UBA2: variants seen among roughly 807,000 people sequenced by gnomAD.
UBA2 encodes the protein ubiquitin like modifier activating enzyme 2, also known as SUMO-activating enzyme subunit 2.
UBA2 carries 11 observed loss-of-function variants against 77.2 expected under a neutral mutation model. The observed-to-expected ratio is 0.14, with a 90% CI of 0.09 to 0.24. The LOEUF (loss-of-function observed/expected upper bound fraction) is 0.24, where lower values mean the gene tolerates loss of function less well. UBA2 is among the 10% of genes least tolerant of loss of function. The probability of loss-of-function intolerance (pLI) is 1.00; values close to 1 mark genes in which losing one functional copy is unlikely to be tolerated. For synonymous variants in UBA2, 278 were observed against 276.7 expected (o/e 1.00, Z -0.05); for missense variants, 487 against 781.7 (o/e 0.62, Z 4.50).
rs113242502 is a variant in UBA2 at position 34,451,996 on chromosome 19, C to T, written c.887C>T (p.Ala296Val). Residue 296 changes from alanine (A) to valine (V), a missense_variant, in exon 10 of 17, where the codon GCA becomes GTA. Around this residue, in one of 9 missense-constraint regions of UBA2, gnomAD observed 300 missense variants for 454.3 expected, o/e 0.66. Transcript: ENST00000246548. ...TTTTCTTTAGGAGAAGAAACGAATG[C>T]ATCAGATCAACAGAATGAACCCCAG... ...EVQSQGEETN[A>V]SDQQNEPQLG... is the part of the protein sequence containing the mutation. 83 of 1,568,260 alleles carry T rather than the reference C, an allele frequency of 5.3e-5. No homozygotes were observed. Among genetic ancestry groups the T allele is most frequent in the South Asian group, 2.1e-4 (17 of 82,262 alleles).
chr19:34,461,240 C>T (rs1487923309), intron 14 of UBA2, among the ~76,000 whole-genome samples: 2 of 152,130 alleles, frequency 1.3e-5, no homozygotes, highest in Non-Finnish European at 2.9e-5. Context: ...TTTCTAGGCC[C>T]TGTGTTTCCC....
intron 9 of UBA2, among the ~76,000 whole-genome samples, chr19:34,450,742 CTTTTTTTTTTTTTT>C (rs59580124): frequency 1.2e-5 from 1 of 83,402 alleles, no homozygotes; most frequent in Non-Finnish European, 2.1e-5. Context: ...TTATGTATAT[CTTTTTTTTTTTTTT>C]TTTTTTTTTT....
At chr19:34,446,686 T>C (rs1486209938) in intron 8 of UBA2, among the ~76,000 whole-genome samples, 1 of 151,894 alleles carries the variant, frequency 6.6e-6, no homozygotes, top group Non-Finnish European at 1.5e-5. Context: ...CTCAGCTTGC[T>C]GCAACCTCTG....
intron 14 of UBA2, among the ~76,000 whole-genome samples, chr19:34,463,374 A>C (rs2075652956): frequency 6.6e-6 from 1 of 152,194 alleles, no homozygotes; most frequent in Non-Finnish European, 1.5e-5. Context: ...CTCCATAACA[A>C]ATACCACAAC....
chr19:34,450,734 A>G (rs1250521542), intron 9 of UBA2, among the ~76,000 whole-genome samples: 2 of 133,850 alleles, frequency 1.5e-5, no homozygotes, highest in Non-Finnish European at 3.2e-5. Context: ...CTATATATTT[A>G]TGTATATCTT....
intron 5 of UBA2, among the ~76,000 whole-genome samples, chr19:34,435,419 A>C (rs1002188829): frequency 6.6e-6 from 1 of 152,200 alleles, no homozygotes; most frequent in Non-Finnish European, 1.5e-5. Context: ...TTAAAATGCT[A>C]TAAACGTGCT....
At chr19:34,434,714 G>A (rs1202030632) in intron 4 of UBA2, among the ~76,000 whole-genome samples, 154 bp from the exon 5 acceptor site, 1 of 152,136 alleles carries the variant, frequency 6.6e-6, no homozygotes, top group Non-Finnish European at 1.5e-5. Context: ...TCTCTTAAAT[G>A]TCTGTAATTA....
In UBA2 at chr19:34,428,443, C is replaced by G. The variant is rs567960411; in HGVS notation, c.11C>G (p.Ser4Trp). 726 of 1,273,228 alleles carry G rather than the reference C, an allele frequency of 5.7e-4. No homozygotes were observed. The highest frequency in any genetic ancestry group is 6.9e-4 in the Non-Finnish European group (698 of 1,006,752). The allele number at this position is 1,273,228 out of a possible 1,614,324, so 78.9% of individuals were successfully genotyped here. The part of the protein sequence containing the change: MAL[S>W]RGLPRELAEA... Reference sequence around the variant, plus strand: ...CGTGGTTGTCCCGCCATGGCACTGTCGCGGGGGCTGCCCCGGGAGCTGGCT... The same window carrying G: ...CGTGGTTGTCCCGCCATGGCACTGTGGCGGGGGCTGCCCCGGGAGCTGGCT... Residue 4 changes from serine (S) to tryptophan (W), a missense_variant, in exon 1 of 17, where the codon TCG (serine) becomes TGG (tryptophan). By Grantham distance (177) the Ser-to-Trp change is radical. This residue lies in a region of UBA2 where 30 missense variants were observed against 27.4 expected (regional missense o/e 1.09). Transcript: ENST00000246548.
chr19:34,448,516 GC>G (rs2075456232), intron 8 of UBA2, among the ~76,000 whole-genome samples: 1 of 152,070 alleles, frequency 6.6e-6, no homozygotes, highest in Non-Finnish European at 1.5e-5. Context: ...TATCACTTGA[GC>G]CCAAGAGGTT....
chr19:34,444,929 C>T lies in UBA2; in HGVS notation c.650-71C>T, dbSNP rs1477044926. 5 of 1,485,122 alleles carry T rather than the reference C, an allele frequency of 3.4e-6. No individual in the cohort carries two copies. The African/African-American group carries it at 4.3e-5, about 13-fold the overall frequency. The allele number at this position is 1,485,122 out of a possible 1,614,324, so 92.0% of individuals were successfully genotyped here. On this transcript the variant is annotated intron_variant, in intron 7 of 16. Transcript: ENST00000246548. ...TCCATGAGTGACTTTCTTTTTATTCCCAAAGGTGAGTGAAAAGAGTTCAGT... is the reference window on the plus strand; with the variant it reads ...TCCATGAGTGACTTTCTTTTTATTCTCAAAGGTGAGTGAAAAGAGTTCAGT...
At chr19:34,443,144 C>T (rs1050401192) in intron 6 of UBA2, among the ~76,000 whole-genome samples, 1 of 152,112 alleles carries the variant, frequency 6.6e-6, no homozygotes, top group Non-Finnish European at 1.5e-5. Context: ...AATTTCTATC[C>T]CCTAGATGGG....
At chr19:34,459,842 T>G (rs924758353) in intron 13 of UBA2, among the ~76,000 whole-genome samples, 1 of 152,186 alleles carries the variant, frequency 6.6e-6, no homozygotes, top group African/African-American at 2.4e-5. Context: ...CGGATTGATT[T>G]GAGCTTATGT....
intron 14 of UBA2, 47 bp from the exon 15 acceptor site, chr19:34,463,979 C>G (rs1201612662): frequency 7.5e-7 from 1 of 1,330,504 alleles, no homozygotes; most frequent in African/African-American, 1.4e-5. Context: ...AACCTGACTG[C>G]TCTATGAAGA....
intron 16 of UBA2, among the ~76,000 whole-genome samples, chr19:34,467,465 CA>C (rs35373946): frequency 0.19 from 20,883 of 110,028 alleles, 3,119 homozygotes; most frequent in African/African-American, 0.45. Flanking sequence ...GACCATGTCT[CA>C]AAAAAAAAAA....
intron 6 of UBA2, among the ~76,000 whole-genome samples, chr19:34,441,140 A>G: frequency 6.6e-6 from 1 of 152,152 alleles, no homozygotes. Context: ...TTTCATGATG[A>G]AAGTTTCTAC....
In UBA2 at chr19:34,469,434, A is replaced by G. The variant is rs189322823; in HGVS notation, c.*213A>G. ...ATATAGTTTTAAAAACCCTTTGAAC[A>G]AAGTGTGTGCATAACCAGTCATGAG... On this transcript the variant is annotated 3_prime_UTR_variant, in exon 17 of 17. Transcript: ENST00000246548. 1 of 311,980 alleles carries G rather than the reference A, an allele frequency of 3.2e-6. No homozygotes were observed. Among genetic ancestry groups the G allele is most frequent in the Non-Finnish European group, 5.8e-6 (1 of 173,184 alleles). The allele number at this position is 311,980 out of a possible 1,614,324, so 19.3% of individuals were successfully genotyped here.
intron 8 of UBA2, 73 bp downstream of exon 8, chr19:34,445,194 G>C (rs2075414881): frequency 1.4e-6 from 2 of 1,450,684 alleles, no homozygotes; most frequent in East Asian, 4.7e-5. Flanking sequence ...AGTTCTGCTT[G>C]TTTTAAAATA....
chr19:34,438,565 G>A (rs1471176986), intron 5 of UBA2, 80 bp from the exon 6 acceptor site: 2 of 1,522,852 alleles, frequency 1.3e-6, no homozygotes, highest in East Asian at 4.6e-5. Context: ...GAATATAGAT[G>A]AATGAAGTGT....
At position 34,471,073 on chromosome 19, in the gene UBA2, C is replaced by T. The variant is rs1052264850; in HGVS notation, c.*1852C>T. ...CAGTAGGTGGAGTAGCACTGTCTTC[C>T]TGGTCCCGGACCTCAGAGGGCTTTG... On this transcript the variant is annotated 3_prime_UTR_variant, in exon 17 of 17. Transcript: ENST00000246548. The T allele has an allele frequency of 7.2e-5, 11 of 152,230 alleles. No homozygotes were observed. The highest frequency in any genetic ancestry group is 2.2e-4 in the African/African-American group (9 of 41,436). 9.4% of individuals were successfully genotyped at this position (152,230 alleles called of 1,614,324 possible). A position where few individuals can be genotyped will look rare whatever the true frequency, so the allele number is the denominator to read the frequency against.
Sources: allele counts gnomAD v4.1 joint callset (sites outside exome capture counted in the v4.1 genomes callset), GRCh38; gene constraint gnomAD v4.1.1; regional missense constraint gnomAD v4.1.1; transcripts MANE v1.5; gene names NCBI Gene and HGNC (gene_info 2026-07-23, HGNC 2026-07-21).